The following ZNF225 variants were observed in gnomAD, a reference collection of about 807,000 sequenced individuals.
ZNF225 encodes the protein zinc finger protein 225.
In ZNF225, 6 loss-of-function variants were observed where a neutral mutation model predicts 12.0. That is an observed-to-expected ratio of 0.50 (90% confidence interval 0.27 to 0.98). The LOEUF (loss-of-function observed/expected upper bound fraction) is 0.98, where lower values mean the gene tolerates loss of function less well. Ranked by LOEUF, ZNF225 falls within the 50% of genes least tolerant of loss-of-function variation. The pLI is 0.11. For missense variants in ZNF225, 763 were observed against 848.2 expected, an observed-to-expected ratio of 0.90 and a Z score of 1.25; for synonymous variants, 271 against 283.2, an observed-to-expected ratio of 0.96 and a Z score of 0.43.
Position 44,132,378 on chromosome 19 carries a change from A to T in ZNF225, c.1764A>T (p.Arg588Ser). 6.2e-7 allele frequency: 1 copy of T among 1,614,094 alleles called. No homozygotes were observed. Among genetic ancestry groups the T allele is most frequent in the Non-Finnish European group, 8.5e-7 (1 of 1,180,002 alleles). Residue 588 changes from arginine to serine, a missense_variant, in exon 5 of 5, where the codon AGA becomes AGT. Transcript: ENST00000262894. The part of the protein sequence containing the change: ...SRASSILNHK[R>S]LHGDEKPFKC... ...CCTCAAGTATTTTGAATCATAAGAGACTCCATGGTGATGAAAAGCCATTCA... is the reference window on the plus strand; with the variant it reads ...CCTCAAGTATTTTGAATCATAAGAGTCTCCATGGTGATGAAAAGCCATTCA...
chr19:44,131,157 T>C lies in ZNF225; in HGVS notation c.543T>C (p.Cys181=). ...SREKSHTCDE[C]GKSFCYSSAL... ...AGAAGTCTCATACATGTGATGAATGTGGAAAGAGTTTCTGTTATAGCTCAG... is the reference window on the plus strand; with the variant it reads ...AGAAGTCTCATACATGTGATGAATGCGGAAAGAGTTTCTGTTATAGCTCAG... Residue 181 remains cysteine, a synonymous_variant, in exon 5 of 5, where the codon TGT becomes TGC. Coordinates refer to ENST00000262894, the MANE Select transcript of ZNF225 (RefSeq NM_013362.4). 6 of 1,614,172 alleles carry C rather than the reference T, an allele frequency of 3.7e-6. No homozygotes were observed. The highest frequency in any genetic ancestry group is 5.1e-6 in the Non-Finnish European group (6 of 1,180,032).
At chr19:44,117,458 T>A (rs1214057477) in intron 2 of ZNF225, among the ~76,000 whole-genome samples, 1 of 152,188 alleles carries the variant, frequency 6.6e-6, no homozygotes, top group African/African-American at 2.4e-5. Context: ...ATGATAACAT[T>A]CAGGGTTCAA....
chr19:44,118,356 A>T (rs777091355), intron 3 of ZNF225, 42 bp downstream of exon 3: 1 of 1,610,062 alleles, frequency 6.2e-7, no homozygotes, highest in Admixed American at 1.7e-5. Flanking sequence ...CAGGACCAGG[A>T]GTGGCTTTGT....
rs1968286630 is a variant in ZNF225, at chr19:44,132,219, T to C, written c.1605T>C (p.Thr535=). Residue 535 remains threonine (T), a synonymous_variant, in exon 5 of 5, where the codon ACT becomes ACC. Coordinates refer to ENST00000262894, the MANE Select transcript of ZNF225 (RefSeq NM_013362.4). ...SQLYSHRRVH[T]GVKPYKCEEC... is the part of the protein sequence containing the mutation. ...TTTATTCTCATCGCAGAGTCCACAC[T>C]GGAGTAAAGCCATACAAATGTGAAG... 6.2e-7 allele frequency: 1 copy of C among 1,613,896 alleles called. No homozygotes were observed. Among genetic ancestry groups the C allele is most frequent in the Admixed American group, 1.7e-5 (1 of 59,996 alleles).
intron 1 of ZNF225, among the ~76,000 whole-genome samples, chr19:44,113,888 C>A (rs544525367): frequency 6.6e-6 from 1 of 152,318 alleles, no homozygotes; most frequent in African/African-American, 2.4e-5. Context: ...AGCCTTAAAG[C>A]AGCCCCTGTC....
chr19:44,112,341 T>C (rs571919009), upstream of ZNF225: 1 of 152,280 alleles, frequency 6.6e-6, no homozygotes, highest in South Asian at 2.1e-4. Flanking sequence ...CTGCTCTTCC[T>C]TAGGAAGGGA....
At chr19:44,119,830 A>G (rs561871512) in intron 4 of ZNF225, among the ~76,000 whole-genome samples, 9 of 152,336 alleles carry the variant, frequency 5.9e-5, no homozygotes, top group African/African-American at 1.7e-4. Context: ...TCTGATCAGA[A>G]TACTCTTTCA....
intron 4 of ZNF225, among the ~76,000 whole-genome samples, chr19:44,126,276 C>A (rs565841581): frequency 6.6e-6 from 1 of 152,270 alleles, no homozygotes; most frequent in African/African-American, 2.4e-5. Context: ...GATGTGGCCT[C>A]CTGTGAGCCA....
At chr19:44,118,348 G>A (rs1402103206) in intron 3 of ZNF225, 34 bp downstream of exon 3, 1 of 1,609,694 alleles carries the variant, frequency 6.2e-7, no homozygotes, top group South Asian at 1.1e-5. Flanking sequence ...GGGAACATCA[G>A]GACCAGGAGT....
At chr19:44,127,938 T>C (rs976435996) in intron 4 of ZNF225, among the ~76,000 whole-genome samples, 2 of 152,134 alleles carry the variant, frequency 1.3e-5, no homozygotes. Context: ...CCACCACTCC[T>C]AGCCAAAAAA....
In ZNF225 at chr19:44,132,312, A is replaced by C. The variant is rs183264537; in HGVS notation, c.1698A>C (p.Arg566Ser). 3.6e-4 allele frequency: 575 copies of C among 1,613,914 alleles called. No homozygotes were observed. Among genetic ancestry groups the C allele is most frequent in the Non-Finnish European group, 4.6e-4 (542 of 1,179,980 alleles). ...DMHQRVHTGE[R>S]PYNCKECGKS... ...ACCAGAGGGTCCACACCGGAGAGAG[A>C]CCTTATAATTGTAAAGAATGTGGGA... The change falls in exon 5 of 5, where the codon AGA becomes AGC. Residue 566 changes from arginine (R) to serine (S), a missense_variant. Arg to Ser is a moderately radical substitution (Grantham distance 110, BLOSUM62 -1). Transcript: ENST00000262894.
rs779795073 is a variant in ZNF225 at position 44,130,851 on chromosome 19, A to C, written c.237A>C (p.Gly79=). The change falls in exon 5 of 5, where the codon GGA becomes GGC. Residue 79 remains glycine (G), a splice_region_variant and synonymous_variant. Transcript: ENST00000262894. ...ETATQREGNL[G]GKIQMEMETV... is the part of the protein sequence containing the mutation. ...TCTCTTAATTCTGTGTCATTATAGG[A>C]GGCAAGATCCAAATGGAGATGGAGA... 6.2e-7 allele frequency: 1 copy of C among 1,606,130 alleles called. No homozygotes were observed.
intron 4 of ZNF225, among the ~76,000 whole-genome samples, chr19:44,126,465 G>A (rs114673265): frequency 1.1e-4 from 17 of 152,186 alleles, no homozygotes; most frequent in African/African-American, 3.6e-4. Flanking sequence ...AATGGACTCC[G>A]TGAGGTTTCT....
At chr19:44,125,366 A>G (rs756956006) in intron 4 of ZNF225, among the ~76,000 whole-genome samples, 9 of 152,188 alleles carry the variant, frequency 5.9e-5, no homozygotes, top group East Asian at 3.8e-4. Context: ...TAGGGCCCCA[A>G]TCTCTTCTAG....
At chr19:44,122,809 G>T (rs964286369) in intron 4 of ZNF225, among the ~76,000 whole-genome samples, 1 of 152,040 alleles carries the variant, frequency 6.6e-6, no homozygotes, top group African/African-American at 2.4e-5. Context: ...GGTTGCTGGT[G>T]GTGTGTAGAA....
Position 44,131,302 on chromosome 19 carries a change from A to C in ZNF225, c.688A>C (p.Lys230Gln). ...TCATCAGAGAATCCACACTGGAGAG[A>C]AACCATTCAAATGTGAGCAGTGTGG... ...QIHQRIHTGE[K>Q]PFKCEQCGKG... The change falls in exon 5 of 5, where the codon AAA (lysine) becomes CAA (glutamine). Residue 230 changes from lysine (K) to glutamine (Q), a missense_variant. By Grantham distance (53) the Lys-to-Gln change is moderately conservative (BLOSUM62 1). Coordinates refer to ENST00000262894, the MANE Select transcript of ZNF225 (RefSeq NM_013362.4). 1 of 1,614,244 alleles carries C rather than the reference A, an allele frequency of 6.2e-7. No individual in the cohort carries two copies. The highest frequency in any genetic ancestry group is 8.5e-7 in the Non-Finnish European group (1 of 1,180,046).
rs1388918566 is a variant in ZNF225 at position 44,132,019 on chromosome 19, T to G, written c.1405T>G (p.Ser469Ala). The change falls in exon 5 of 5, where the codon TCG becomes GCG. Residue 469 changes from serine (S) to alanine (A), a missense_variant. Ser to Ala is a moderately conservative substitution (Grantham distance 99). Transcript: ENST00000262894. ...KECGKSFGWA[S>A]CLLNHQRIHS... Reference sequence around the variant, plus strand: ...ATGTGGGAAGAGCTTTGGCTGGGCCTCGTGTCTTTTGAATCATCAGAGAAT... The same window carrying G: ...ATGTGGGAAGAGCTTTGGCTGGGCCGCGTGTCTTTTGAATCATCAGAGAAT... 2.5e-6 allele frequency: 4 copies of G among 1,613,832 alleles called. No homozygotes were observed. Among genetic ancestry groups the G allele is most frequent in the Non-Finnish European group, 3.4e-6 (4 of 1,179,986 alleles).
Position 44,131,167 on chromosome 19 carries a change from TTC to T in ZNF225, c.555_556del (p.Phe185LeufsTer3), listed in dbSNP as rs1215062754. 3 of 1,614,160 alleles carry T rather than the reference TTC, an allele frequency of 1.9e-6. No homozygotes were observed. The highest frequency in any genetic ancestry group is 1.7e-6 in the Non-Finnish European group (2 of 1,180,026). ...SHTCDECGKS[F>X]CYSSALRIHQ... ...TACATGTGATGAATGTGGAAAGAGT[TTC>T]TGTTATAGCTCAGCTCTTCGTATTC... On this transcript the variant is annotated frameshift_variant, in exon 5 of 5. Transcript: ENST00000262894. LOFTEE classifies it low-confidence loss of function (END_TRUNC).
At chr19:44,111,612 T>G (rs945290670), upstream of ZNF225, among the ~76,000 whole-genome samples, 5 of 152,190 alleles carry the variant, frequency 3.3e-5, no homozygotes, top group African/African-American at 1.2e-4. Flanking sequence ...TATTCATCTA[T>G]GAAAAGGAAT....
Sources: gnomAD v4.1 joint callset for allele counts (sites outside exome capture counted in the v4.1 genomes callset) on GRCh38, gnomAD v4.1.1 for gene constraint, MANE v1.5 for transcripts, NCBI Gene and HGNC (gene_info 2026-07-23, HGNC 2026-07-21) for gene names.